DLG5: variants seen among roughly 807,000 people sequenced by gnomAD.
DLG5 encodes disks large homolog 5.
A neutral mutation model predicts 189.8 loss-of-function variants in DLG5; 48 were observed. The ratio of observed to expected loss-of-function variants is 0.25; its 90% CI spans 0.20 to 0.32. The LOEUF (loss-of-function observed/expected upper bound fraction) is 0.32, where lower values mean the gene tolerates loss of function less well. Among genes scored for constraint, DLG5 ranks in the 10% least tolerant of loss-of-function variants. DLG5 has a pLI of 1.00. For synonymous variants in DLG5, 1,016 were observed against 1,054.1 expected (o/e 0.96, Z 0.70); for missense variants, 2,160 against 2,544.7 (o/e 0.85, Z 3.25).
intron 7 of DLG5, 76 bp from the exon 8 acceptor site, chr10:77,835,998 G>A: frequency 1.3e-6 from 2 of 1,482,598 alleles, no homozygotes; most frequent in Middle Eastern, 1.8e-4. Flanking sequence ...ACCAGTGCGG[G>A]GGCCAAGGCT....
chr10:77,868,557 T>G, intron 2 of DLG5: 2 of 258,188 alleles, frequency 7.7e-6, no homozygotes, highest in Non-Finnish European at 1.5e-5. Context: ...GACTCACCAC[T>G]GAAGGTGTCT....
chr10:77,815,262 C>T (rs1357344387), intron 20 of DLG5, among the ~76,000 whole-genome samples: 1 of 152,252 alleles, frequency 6.6e-6, no homozygotes, highest in East Asian at 1.9e-4. Context: ...GAGTTACACC[C>T]GATTCCCCTA....
At position 77,926,042 on chromosome 10, in the gene DLG5, G is replaced by C. The variant is rs555453943; in HGVS notation, c.304+175C>G. ...TTCACAGCGAACGGCGGGACTGGGG[G>C]AGGCGGCGGGACTTCGGGATCCGCG... On this transcript the variant is annotated intron_variant, in intron 1 of 31. Transcript: ENST00000372391. This position sits in a 1 kb window ranked among gnomAD's most constrained non-coding sequence, Gnocchi z 5.2. 5.0e-4 allele frequency among the ~76,000 whole-genome samples: 76 copies of C among 152,290 alleles called. No homozygotes were observed. Among genetic ancestry groups the C allele is most frequent in the Admixed American group, 1.3e-3 (20 of 15,310 alleles).
At chr10:77,891,626 C>T (rs1212439106) in intron 1 of DLG5, among the ~76,000 whole-genome samples, 2 of 148,518 alleles carry the variant, frequency 1.3e-5, no homozygotes, top group Admixed American at 1.3e-4. Context: ...GAGAAGAAAG[C>T]AACAATTCAG....
At chr10:77,875,629 G>A (rs1418552117) in intron 1 of DLG5, among the ~76,000 whole-genome samples, 7 of 152,202 alleles carry the variant, frequency 4.6e-5, no homozygotes, top group Non-Finnish European at 1.0e-4. Context: ...GTGAACTGCA[G>A]AGATGAGGAA....
At position 77,821,941 on chromosome 10, in the gene DLG5, TAGA is replaced by T. The variant is rs761021403; in HGVS notation, c.2540_2542del (p.Phe847del). 2 of 1,614,258 alleles carry T rather than the reference TAGA, an allele frequency of 1.2e-6. No homozygotes were observed. Among genetic ancestry groups the T allele is most frequent in the South Asian group, 1.1e-5 (1 of 91,092 alleles). On this transcript the variant is annotated inframe_deletion, in exon 15 of 32. Transcript: ENST00000372391. ...CTTCCTGTCTTCCAGCCTGTCCGTG[TAGA>T]AGATGTCTGTCTGCGTGGAGTTATT...
intron 1 of DLG5, among the ~76,000 whole-genome samples, chr10:77,897,398 T>C (rs1845793743): frequency 1.3e-5 from 2 of 152,092 alleles, no homozygotes; most frequent in South Asian, 4.1e-4. Context: ...ATTTTTGCTA[T>C]TTAACAATTG....
chr10:77,922,295 GGAAAAAAC>G (rs1255735817), intron 1 of DLG5, among the ~76,000 whole-genome samples: 1 of 152,084 alleles, frequency 6.6e-6, no homozygotes, highest in Non-Finnish European at 1.5e-5. Context: ...AATCCTCAAG[GGAAAAAAC>G]TCAGGTGTTT....
chr10:77,812,135 C>G (rs1248625), intron 21 of DLG5, 78 bp from the exon 22 acceptor site: 450,103 of 1,596,658 alleles, frequency 0.28, 65,811 homozygotes, highest in Admixed American at 0.44. Flanking sequence ...CTTGGGAGCA[C>G]TGCTGTTCCC....
chr10:77,916,419 T>C (rs1253355521), intron 1 of DLG5, among the ~76,000 whole-genome samples: 9 of 151,612 alleles, frequency 5.9e-5, no homozygotes, highest in African/African-American at 2.2e-4. Context: ...GCCTCCCAAG[T>C]AGCTGGGATT....
chr10:77,924,438 T>C (rs1024556094), intron 1 of DLG5, among the ~76,000 whole-genome samples: 2 of 152,170 alleles, frequency 1.3e-5, no homozygotes, highest in Non-Finnish European at 2.9e-5. Flanking sequence ...GATCCATCAA[T>C]CAATTTTCAG....
the DLG5 span, among the ~76,000 whole-genome samples, chr10:77,933,177 G>A: frequency 6.6e-6 from 1 of 152,174 alleles, no homozygotes; most frequent in Non-Finnish European, 1.5e-5. Flanking sequence ...AAAGGGTTTG[G>A]TGTCTCTGCT....
At position 77,835,901 on chromosome 10, in the gene DLG5, C is replaced by T. The variant is rs1396012988; in HGVS notation, c.1459G>A (p.Asp487Asn). ...LRQIKDTVTMDAGRANKEVEI... is the reference protein window; with the variant it reads ...LRQIKDTVTMNAGRANKEVEI... ...ACCTCCTTGTTGGCTCTCCCAGCAT[C>T]CATTGTCACCGTGTCTTTGATCTGG... The change falls in exon 8 of 32, where the codon GAT becomes AAT. Residue 487 changes from aspartate to asparagine, a missense_variant. Physicochemically the swap from Asp to Asn is conservative, Grantham distance 23 (BLOSUM62 1). This residue lies in a region of DLG5 where 664 missense variants were observed against 838.5 expected (regional missense o/e 0.79). Transcript: ENST00000372391. 1 of 1,613,334 alleles carries T rather than the reference C, an allele frequency of 6.2e-7. No homozygotes were observed. The highest frequency in any genetic ancestry group is 8.5e-7 in the Non-Finnish European group (1 of 1,179,430).
chr10:77,791,646 C>A lies in DLG5; in HGVS notation c.*794G>T. Reference sequence around the variant, plus strand: ...GAGGACCCAATGGCAGGCATCAGCACAGCTGAACACCACCTGGACCCCACT... The same window carrying A: ...GAGGACCCAATGGCAGGCATCAGCAAAGCTGAACACCACCTGGACCCCACT... On this transcript the variant is annotated 3_prime_UTR_variant, in exon 32 of 32. Transcript: ENST00000372391. The A allele has an allele frequency of 6.6e-6, 1 of 152,614 alleles. No individual in the cohort carries two copies. 9.5% of individuals were successfully genotyped at this position (152,614 alleles called of 1,614,324 possible).
At chr10:77,929,687 G>A (rs1477173286), upstream of DLG5, 1 of 152,206 alleles carries the variant, frequency 6.6e-6, no homozygotes, top group African/African-American at 2.4e-5. Flanking sequence ...TGTGAAGAAT[G>A]GCCAGCCACC....
At chr10:77,877,542 G>A (rs890274403) in intron 1 of DLG5, among the ~76,000 whole-genome samples, 11 of 152,086 alleles carry the variant, frequency 7.2e-5, no homozygotes, top group African/African-American at 2.7e-4. Context: ...AGAGCTGCCG[G>A]GCTGCAGGTT....
chr10:77,897,767 T>C lies in DLG5; in HGVS notation c.304+28450A>G, dbSNP rs144788841. Among the ~76,000 whole-genome samples the C allele has an allele frequency of 2.3e-3, 351 of 150,208 alleles. 10 individuals carry two copies. The East Asian group carries it at 0.06, about 25-fold the overall frequency. On this transcript the variant is annotated intron_variant, in intron 1 of 31. Coordinates refer to ENST00000372391, the MANE Select transcript of DLG5 (RefSeq NM_004747.4). Reference sequence around the variant, plus strand: ...AGAAAAGAGAGGAAAAAGAAAAAGATCTATCATATAATTTCTTAGTGGTAG... The same window carrying C: ...AGAAAAGAGAGGAAAAAGAAAAAGACCTATCATATAATTTCTTAGTGGTAG...
intron 20 of DLG5, chr10:77,815,998 C>T (rs1780861395): frequency 7.4e-6 from 3 of 407,142 alleles, no homozygotes; most frequent in Non-Finnish European, 9.9e-6. Flanking sequence ...TAAAATGAAC[C>T]AGTACCAGTA....
chr10:77,877,977 C>G (rs1342062014), intron 1 of DLG5, among the ~76,000 whole-genome samples: 1 of 152,230 alleles, frequency 6.6e-6, no homozygotes, highest in African/African-American at 2.4e-5. Context: ...CCGGACATCC[C>G]CCGGGGGCCA....
Sources: gnomAD v4.1 joint callset for allele counts (sites outside exome capture counted in the v4.1 genomes callset) on GRCh38, gnomAD v4.1.1 for gene constraint, gnomAD v4.1.1 regional missense constraint, Gnocchi (gnomAD v3.1) non-coding constraint, MANE v1.5 for transcripts, NCBI Gene and HGNC (gene_info 2026-07-23, HGNC 2026-07-21) for gene names.